The following FRY variants were observed in gnomAD, a reference collection of about 807,000 sequenced individuals.
The protein encoded by FRY is protein furry homolog.
FRY carries 128 observed loss-of-function variants against 348.4 expected under a neutral mutation model. The ratio of observed to expected loss-of-function variants is 0.37; its 90% confidence interval spans 0.32 to 0.43. The LOEUF (loss-of-function observed/expected upper bound fraction) is 0.43, where lower values mean the gene tolerates loss of function less well. FRY is among the 20% of genes least tolerant of loss of function. FRY has a pLI of 1.00. For missense variants in FRY, 2,736 were observed against 3,695.2 expected (o/e 0.74, Z 6.73); for synonymous variants, 1,370 against 1,374.7 (o/e 1.00, Z 0.08).
In FRY at chr13:32,211,045, C is replaced by A. The variant is rs571057116; in HGVS notation, c.4591+11C>A. The A allele has an allele frequency of 2.5e-6, 4 of 1,613,186 alleles. No homozygotes were observed. The South Asian group carries it at 3.3e-5, about 13-fold the overall frequency. On this transcript the variant is annotated intron_variant, in intron 34 of 60. Transcript: ENST00000542859. ...CCGCAGCAGCCTCAGGTAAGAAGAG[C>A]AACCGGGCAGACACCTGGTCACAGA...
Position 32,201,900 on chromosome 13 carries a change from A to G in FRY, c.3747-41A>G, listed in dbSNP as rs771922928. On this transcript the variant is annotated intron_variant, in intron 29 of 60. Transcript: ENST00000542859. ...GGTAACAATCTAGCCACTCTGTCTT[A>G]TAAACCATGCTTTTTTTGTTTTGTT... 7 of 1,112,080 alleles carry G rather than the reference A, an allele frequency of 6.3e-6. No individual in the cohort carries two copies. In the East Asian group the frequency reaches 1.6e-4, roughly 26 times the overall value. 68.9% of individuals were successfully genotyped at this position (1,112,080 alleles called of 1,614,324 possible). A position where few individuals can be genotyped will look rare whatever the true frequency, so the allele number is the denominator to read the frequency against.
rs535363934 is a variant in FRY, at chr13:32,295,732, TG to T, written c.*273del. 4.4e-4 allele frequency: 236 copies of T among 537,766 alleles called. No homozygotes were observed. The highest frequency in any genetic ancestry group is 7.3e-4 in the Non-Finnish European group (218 of 298,336). 33.3% of individuals were successfully genotyped at this position (537,766 alleles called of 1,614,324 possible). On this transcript the variant is annotated 3_prime_UTR_variant, in exon 61 of 61. Transcript: ENST00000542859. ...TGACCGAGCATATGCAACTCGCTACTGAAGAAGTGACTTCCGTTGCATACCA... is the reference window on the plus strand; with the variant it reads ...TGACCGAGCATATGCAACTCGCTACTAAGAAGTGACTTCCGTTGCATACCA...
chr13:32,186,542 G>T, intron 27 of FRY, 122 bp downstream of exon 27: 1 of 729,492 alleles, frequency 1.4e-6, no homozygotes, highest in Non-Finnish European at 2.4e-6. Flanking sequence ...TAAAATCTAA[G>T]CGCACATACA....
intron 14 of FRY, among the ~76,000 whole-genome samples, chr13:32,155,142 G>A (rs537390474): frequency 1.1e-4 from 16 of 152,196 alleles, no homozygotes; most frequent in South Asian, 4.2e-4. Context: ...TCCAGGAGAC[G>A]TATGAGCCCT....
At chr13:32,192,311 GT>G (rs1244058729) in intron 28 of FRY, among the ~76,000 whole-genome samples, 1 of 151,420 alleles carries the variant, frequency 6.6e-6, no homozygotes, top group Non-Finnish European at 1.5e-5. Context: ...GTTTTGTTTT[GT>G]TTTTGAGACG....
chr13:32,270,878 G>A lies in FRY; in HGVS notation c.8136+3519G>A, dbSNP rs117882445. On this transcript the variant is annotated intron_variant, in intron 55 of 60. Transcript: ENST00000542859. ...TGCTCACCTTGATTTCTGACAGTTTGCAACATACACTAGGTGCTCAGTAAA... is the reference window on the plus strand; with the variant it reads ...TGCTCACCTTGATTTCTGACAGTTTACAACATACACTAGGTGCTCAGTAAA... Among the ~76,000 whole-genome samples the A allele has an allele frequency of 5.9e-5, 9 of 152,334 alleles. No homozygotes were observed. The East Asian group carries it at 1.7e-3, about 29-fold the overall frequency.
chr13:32,165,827 A>G (rs531068146), intron 17 of FRY, among the ~76,000 whole-genome samples: 6 of 152,326 alleles, frequency 3.9e-5, no homozygotes, highest in African/African-American at 9.6e-5. Context: ...ATTAAAAGTC[A>G]TATTTCTGAT....
At chr13:32,189,932 A>T (rs955680483) in intron 28 of FRY, among the ~76,000 whole-genome samples, 1 of 152,066 alleles carries the variant, frequency 6.6e-6, no homozygotes, top group Admixed American at 6.6e-5. Flanking sequence ...GAATTTAATG[A>T]TATAGAAAAA....
intron 40 of FRY, among the ~76,000 whole-genome samples, chr13:32,230,140 G>A (rs888676205): frequency 6.6e-6 from 1 of 152,180 alleles, no homozygotes; most frequent in East Asian, 1.9e-4. Flanking sequence ...TGTCAAGGGG[G>A]TTTGTTGTAC....
chr13:32,274,703 C>CAAAAAAAAA, intron 55 of FRY, 139 bp from the exon 56 acceptor site: 1 of 243,702 alleles, frequency 4.1e-6, no homozygotes, highest in South Asian at 3.3e-5. Context: ...GATTCTGTCT[C>CAAAAAAAAA]AAAAAAAAAA....
intron 40 of FRY, 90 bp downstream of exon 40, chr13:32,228,744 C>A: frequency 1.8e-6 from 2 of 1,088,184 alleles, no homozygotes; most frequent in Non-Finnish European, 2.8e-6. Context: ...GAAAAGTGAT[C>A]CTGGGGTTCT....
chr13:32,138,021 A>G (rs952825035), intron 11 of FRY, among the ~76,000 whole-genome samples: 2 of 152,236 alleles, frequency 1.3e-5, no homozygotes, highest in African/African-American at 4.8e-5. Context: ...AGTGAAATAT[A>G]ATAGCAGTGG....
At chr13:32,234,477 C>T in intron 41 of FRY, 97 bp from the exon 42 acceptor site, 1 of 1,021,088 alleles carries the variant, frequency 9.8e-7, no homozygotes, top group South Asian at 1.3e-5. Flanking sequence ...ACAAGGTAGC[C>T]CTGTGCCGTT....
At chr13:32,134,879 C>A (rs758690440) in intron 8 of FRY, 25 bp from the exon 9 acceptor site, 1 of 1,407,084 alleles carries the variant, frequency 7.1e-7, no homozygotes, top group Non-Finnish European at 1.0e-6. Context: ...ACTCTCCCTC[C>A]CTATACTCTT....
chr13:32,051,534 C>G (rs1158188769), intron 1 of FRY, among the ~76,000 whole-genome samples: 1 of 152,154 alleles, frequency 6.6e-6, no homozygotes, highest in Non-Finnish European at 1.5e-5. Flanking sequence ...CTCTGTGAGA[C>G]GAGTATACTC....
At position 32,131,682 on chromosome 13, in the gene FRY, G is replaced by A. The variant is rs772150117; in HGVS notation, c.727G>A (p.Val243Ile). Residue 243 changes from valine (V) to isoleucine (I), a missense_variant, in exon 8 of 61, where the codon GTA (valine) becomes ATA (isoleucine). Coordinates refer to ENST00000542859, the MANE Select transcript of FRY (RefSeq NM_023037.3). The stretch of plus-strand genomic sequence containing the variant: ...ATGTTATCTTCTTAGATTCCCTGCT[G>A]TAAAGAAGAAATTTATGGCGGAGCT... ...GVLAQAKFPA[V>I]KKKFMAELKE... 3 of 1,613,066 alleles carry A rather than the reference G, an allele frequency of 1.9e-6. No individual in the cohort carries two copies. Among genetic ancestry groups the A allele is most frequent in the East Asian group, 2.2e-5 (1 of 44,872 alleles).
chr13:32,035,528 G>A (rs1251098531), intron 1 of FRY, among the ~76,000 whole-genome samples: 1 of 152,164 alleles, frequency 6.6e-6, no homozygotes, highest in Non-Finnish European at 1.5e-5. Context: ...AGGGCTTGCT[G>A]TATACCATTT....
chr13:32,208,892 G>T lies in FRY; in HGVS notation c.4058G>T (p.Arg1353Leu), dbSNP rs770126165. Residue 1353 changes from arginine (R) to leucine (L), a missense_variant, in exon 32 of 61, where the codon CGC (arginine) becomes CTC (leucine). Arg to Leu is a moderately radical substitution (Grantham distance 102). Around this residue, in one of 9 missense-constraint regions of FRY, gnomAD observed 794 missense variants for 977.0 expected, o/e 0.81. Coordinates refer to ENST00000542859, the MANE Select transcript of FRY (RefSeq NM_023037.3). Reference protein sequence around the residue: ...QRFPTTHPNGRQIMLTYLLPW... With the variant: ...QRFPTTHPNGLQIMLTYLLPW... ...TTCCCCACAACACACCCCAACGGGC[G>T]CCAGATCATGCTTACCTACCTGCTG... is the stretch of plus-strand genomic sequence containing the variant. 1 of 1,614,154 alleles carries T rather than the reference G, an allele frequency of 6.2e-7. No homozygotes were observed. The highest frequency in any genetic ancestry group is 8.5e-7 in the Non-Finnish European group (1 of 1,180,016).
At chr13:32,035,296 G>GT (rs1385905022) in intron 1 of FRY, among the ~76,000 whole-genome samples, 2 of 151,800 alleles carry the variant, frequency 1.3e-5, no homozygotes, top group African/African-American at 2.4e-5. Flanking sequence ...TTTTGGGCTG[G>GT]TTTTTTTTCT....
Sources: allele counts gnomAD v4.1 joint callset (sites outside exome capture counted in the v4.1 genomes callset), GRCh38; gene constraint gnomAD v4.1.1; regional missense constraint gnomAD v4.1.1; transcripts MANE v1.5; gene names NCBI Gene and HGNC (gene_info 2026-07-23, HGNC 2026-07-21).